Variants in CYP24A1 observed in about 807,000 individuals in gnomAD.
CYP24A1 encodes the protein 1,25-dihydroxyvitamin D(3) 24-hydroxylase, mitochondrial.
Under a neutral mutation model 62.4 loss-of-function variants are expected in CYP24A1, and 68 were observed. The observed-to-expected ratio is 1.09, with a 90% confidence interval of 0.90 to 1.33. The LOEUF is 1.33. Ranked by LOEUF, CYP24A1 falls within the 40% of genes most tolerant of loss-of-function variation. The probability of loss-of-function intolerance (pLI) is 0.00; values close to 1 mark genes in which losing one functional copy is unlikely to be tolerated. For synonymous variants in CYP24A1, 267 were observed against 253.0 expected (o/e 1.06, Z -0.52); for missense variants, 787 against 653.0 (o/e 1.21, Z -2.24).
intron 3 of CYP24A1, among the ~76,000 whole-genome samples, chr20:54,171,199 ACC>A (rs2092692594): frequency 6.6e-6 from 1 of 152,108 alleles, no homozygotes; most frequent in Non-Finnish European, 1.5e-5. Flanking sequence ...CTCACAGCAA[ACC>A]CGTGGGGTGG....
In CYP24A1 at chr20:54,173,561, T is replaced by G; in HGVS notation, c.19A>C (p.Lys7Gln). The change falls in exon 1 of 12, where the codon AAG (lysine) becomes CAG (glutamine). Residue 7 changes from lysine (K) to glutamine (Q), a missense_variant. Lys to Gln is a moderately conservative substitution (Grantham distance 53). Coordinates refer to ENST00000216862, the MANE Select transcript of CYP24A1 (RefSeq NM_000782.5). This position sits in a 1 kb window ranked among gnomAD's most constrained non-coding sequence, Gnocchi z 7.2. Reference sequence around the variant, plus strand: ...AGGAAGGCGGCAAGCGAGCGGCTCTTGCTGATGGGGGAGCTCATGGCAGCG... The same window carrying G: ...AGGAAGGCGGCAAGCGAGCGGCTCTGGCTGATGGGGGAGCTCATGGCAGCG... MSSPIS[K>Q]SRSLAAFLQQ... The G allele has an allele frequency of 6.3e-7, 1 of 1,581,430 alleles. No homozygotes were observed. Among genetic ancestry groups the G allele is most frequent in the Middle Eastern group, 1.8e-4 (1 of 5,526 alleles).
chr20:54,171,373 C>G (rs2092693166), intron 3 of CYP24A1, among the ~76,000 whole-genome samples: 1 of 152,058 alleles, frequency 6.6e-6, no homozygotes, highest in Non-Finnish European at 1.5e-5. Context: ...TGTGATATGA[C>G]TTTAAAAGAG....
chr20:54,170,863 A>G lies in CYP24A1; in HGVS notation c.543+714T>C, dbSNP rs115649275. On this transcript the variant is annotated intron_variant, in intron 3 of 11. Transcript: ENST00000216862. Reference sequence around the variant, plus strand: ...GCATCCAGTTCAAAATAAACATCCAAAGTGAACAGAAGTAAAAAGAGATTA... The same window carrying G: ...GCATCCAGTTCAAAATAAACATCCAGAGTGAACAGAAGTAAAAAGAGATTA... 2.2e-3 allele frequency among the ~76,000 whole-genome samples: 341 copies of G among 152,330 alleles called. 2 individuals carry two copies. Among genetic ancestry groups the G allele is most frequent in the African/African-American group, 8.1e-3 (335 of 41,568 alleles).
At chr20:54,157,699 A>C (rs1307796559) in intron 9 of CYP24A1, 114 bp from the exon 10 acceptor site, 2 of 780,622 alleles carry the variant, frequency 2.6e-6, no homozygotes, top group Non-Finnish European at 4.6e-6. Context: ...CAAATTTATA[A>C]TAATGATGGT....
Position 54,162,701 on chromosome 20 carries a change from TC to T in CYP24A1, c.990+15del. ...AGACCGTTCATTTAGCAAACTCAAATCCAGCCCACCCTTACCGTTTCCACCG... is the reference window on the plus strand; with the variant it reads ...AGACCGTTCATTTAGCAAACTCAAATCAGCCCACCCTTACCGTTTCCACCG... On this transcript the variant is annotated intron_variant, in intron 7 of 11. Coordinates refer to ENST00000216862, the MANE Select transcript of CYP24A1 (RefSeq NM_000782.5). 6.4e-7 allele frequency: 1 copy of T among 1,557,336 alleles called. No homozygotes were observed. Among genetic ancestry groups the T allele is most frequent in the Non-Finnish European group, 8.9e-7 (1 of 1,128,726 alleles).
chr20:54,169,785 G>A lies in CYP24A1; in HGVS notation c.544-97C>T, dbSNP rs1040582550. The A allele has an allele frequency of 1.1e-5, 17 of 1,572,166 alleles. No individual in the cohort carries two copies. In the Admixed American group the frequency reaches 1.6e-4, roughly 15 times the overall value. ...AGCTAACTTCAGGTCTTGCTACATCGCATATTCACTGGCCATAATGTTATT... is the reference window on the plus strand; with the variant it reads ...AGCTAACTTCAGGTCTTGCTACATCACATATTCACTGGCCATAATGTTATT... On this transcript the variant is annotated intron_variant, in intron 3 of 11. Transcript: ENST00000216862.
chr20:54,165,988 G>A (rs2092670519), intron 4 of CYP24A1, among the ~76,000 whole-genome samples, 155 bp from the exon 5 acceptor site: 1 of 152,218 alleles, frequency 6.6e-6, no homozygotes, highest in African/African-American at 2.4e-5. Context: ...GAAAAGCAGA[G>A]TCTGAGAGAA....
intron 2 of CYP24A1, chr20:54,172,670 C>T: frequency 1.2e-6 from 1 of 867,336 alleles, no homozygotes; most frequent in Non-Finnish European, 1.7e-6. Context: ...AGGGTGTGGC[C>T]CTGCCCTGTT....
At chr20:54,168,210 T>A (rs1340639288) in intron 4 of CYP24A1, among the ~76,000 whole-genome samples, 1 of 152,240 alleles carries the variant, frequency 6.6e-6, no homozygotes, top group Non-Finnish European at 1.5e-5. Context: ...CTGAATGTCC[T>A]CAGCCAGGCG....
At position 54,162,786 on chromosome 20, in the gene CYP24A1, G is replaced by A. The variant is rs147022974; in HGVS notation, c.921C>T (p.His307=). Residue 307 remains histidine (H), a synonymous_variant, in exon 7 of 12, where the codon CAC becomes CAT. Transcript: ENST00000216862. The part of the protein sequence containing the change: ...PSADFLCDIY[H]QNRLSKKELY... Reference sequence around the variant, plus strand: ...ATTCTTTCTTTGAAAGCCGATTCTGGTGATAAATGTCACAAAGGAAATCTG... The same window carrying A: ...ATTCTTTCTTTGAAAGCCGATTCTGATGATAAATGTCACAAAGGAAATCTG... The A allele has an allele frequency of 3.2e-6, 5 of 1,563,692 alleles. No individual in the cohort carries two copies. In the African/African-American group the frequency reaches 4.1e-5, roughly 13 times the overall value.
At chr20:54,163,336 G>A (rs2092659582) in intron 6 of CYP24A1, among the ~76,000 whole-genome samples, 1 of 152,188 alleles carries the variant, frequency 6.6e-6, no homozygotes, top group Admixed American at 6.5e-5. Context: ...ATACGCACAA[G>A]TAGAGTGTCC....
intron 7 of CYP24A1, among the ~76,000 whole-genome samples, chr20:54,160,795 A>G (rs2092647537): frequency 6.6e-6 from 1 of 152,228 alleles, no homozygotes; most frequent in African/African-American, 2.4e-5. Context: ...AGATGACTGT[A>G]GCTTTTACCA....
chr20:54,162,821 G>A lies in CYP24A1; in HGVS notation c.886C>T (p.Gln296Ter). 2 of 1,557,092 alleles carry A rather than the reference G, an allele frequency of 1.3e-6. No homozygotes were observed. The highest frequency in any genetic ancestry group is 1.8e-6 in the Non-Finnish European group (2 of 1,128,206). ...IDNRLEKYSQ[Q>*]PSADFLCDIY... The stretch of plus-strand genomic sequence containing the variant: ...TCACAAAGGAAATCTGCACTAGGCT[G>A]CTGAGAATACTTCTCTAACCGGTTG... Residue 296 changes from glutamine to a stop codon, truncating the protein, a stop_gained, in exon 7 of 12, where the codon CAG (glutamine) becomes TAG (stop). Coordinates refer to ENST00000216862, the MANE Select transcript of CYP24A1 (RefSeq NM_000782.5). LOFTEE classifies it high-confidence loss of function.
chr20:54,162,569 T>C, intron 7 of CYP24A1, 148 bp downstream of exon 7: 1 of 548,796 alleles, frequency 1.8e-6, no homozygotes. Context: ...GGAGGCACCG[T>C]GGCATCTAGT....
At chr20:54,151,509 A>G (rs1354532525), downstream of CYP24A1, among the ~76,000 whole-genome samples, 1 of 151,756 alleles carries the variant, frequency 6.6e-6, no homozygotes, top group African/African-American at 2.4e-5. Context: ...GTTGCCAAAT[A>G]GTGATTTTTC....
chr20:54,158,424 C>G (rs886434044), intron 8 of CYP24A1, among the ~76,000 whole-genome samples: 1 of 152,170 alleles, frequency 6.6e-6, no homozygotes, highest in African/African-American at 2.4e-5. Context: ...CCCCTTCATT[C>G]CAGACTAAAA....
At chr20:54,168,897 C>CCTT in intron 4 of CYP24A1, among the ~76,000 whole-genome samples, 1 of 97,412 alleles carries the variant, frequency 1.0e-5, no homozygotes, top group Middle Eastern at 5.8e-3. Context: ...CTTCCTTTCT[C>CCTT]TGTCTCTCTC....
At chr20:54,170,221 A>G (rs1008317838) in intron 3 of CYP24A1, among the ~76,000 whole-genome samples, 1 of 152,236 alleles carries the variant, frequency 6.6e-6, no homozygotes, top group Non-Finnish European at 1.5e-5. Flanking sequence ...GGATAGTCAC[A>G]TAAGACCTTT....
In CYP24A1 at chr20:54,173,042, A is replaced by G. The variant is rs1380240939; in HGVS notation, c.316T>C (p.Ser106Pro). The G allele has an allele frequency of 1.2e-6, 2 of 1,608,520 alleles. No individual in the cohort carries two copies. Residue 106 changes from serine to proline, a missense_variant, in exon 2 of 12, where the codon TCG (serine) becomes CCG (proline). Coordinates refer to ENST00000216862, the MANE Select transcript of CYP24A1 (RefSeq NM_000782.5). The surrounding 1 kb of genome is among the most constrained non-coding windows in gnomAD (Gnocchi z 7.2). The stretch of plus-strand genomic sequence containing the variant: ...AGGCATGGCGAGCCCAGGTGCACCG[A>G]CTCAAAGGAACCCAACTTCATGCGG... ...IFRMKLGSFE[S>P]VHLGSPCLLE... is the part of the protein sequence containing the mutation.
Sources: allele counts gnomAD v4.1 joint callset (sites outside exome capture counted in the v4.1 genomes callset), GRCh38; gene constraint gnomAD v4.1.1; non-coding constraint Gnocchi (gnomAD v3.1); transcripts MANE v1.5; gene names NCBI Gene and HGNC (gene_info 2026-07-23, HGNC 2026-07-21).